Variants in NOS1AP observed in about 807,000 individuals in gnomAD.
NOS1AP encodes nitric oxide synthase 1 adaptor protein, also known as carboxyl-terminal PDZ ligand of neuronal nitric oxide synthase protein.
A neutral mutation model predicts 56.2 loss-of-function variants in NOS1AP; 21 were observed. That is an observed-to-expected ratio of 0.37 (90% CI 0.26 to 0.54). NOS1AP has a LOEUF of 0.54. Among genes scored for constraint, NOS1AP ranks in the 20% least tolerant of loss-of-function variants. The pLI is 0.84. For missense variants in NOS1AP, 522 were observed against 657.8 expected, an observed-to-expected ratio of 0.79 and a Z score of 2.26; for synonymous variants, 270 against 274.6, an observed-to-expected ratio of 0.98 and a Z score of 0.17.
At chr1:162,161,591 G>A (rs1327862892) in intron 2 of NOS1AP, among the ~76,000 whole-genome samples, 1 of 147,240 alleles carries the variant, frequency 6.8e-6, no homozygotes, top group East Asian at 2.2e-4. Context: ...ATAGTTCTTT[G>A]CCTCCTTTTT....
chr1:162,336,733 A>G (rs1656951721), intron 5 of NOS1AP, among the ~76,000 whole-genome samples: 1 of 152,230 alleles, frequency 6.6e-6, no homozygotes. Flanking sequence ...CATAAGAAAG[A>G]TACGTGAGCC....
chr1:162,146,141 C>A (rs933988773), intron 1 of NOS1AP, among the ~76,000 whole-genome samples: 1 of 152,156 alleles, frequency 6.6e-6, no homozygotes, highest in African/African-American at 2.4e-5. Flanking sequence ...TTCTGGGGGC[C>A]CTGTCCTTTC....
At chr1:162,319,590 T>C (rs1237890744) in intron 4 of NOS1AP, among the ~76,000 whole-genome samples, 1 of 152,078 alleles carries the variant, frequency 6.6e-6, no homozygotes, top group Non-Finnish European at 1.5e-5. Context: ...CAGTTTCCAT[T>C]GCAAGGGCTC....
At position 162,289,227 on chromosome 1, in the gene NOS1AP, T is replaced by TC. The variant is rs1232014746; in HGVS notation, c.270+1793dup. On this transcript the variant is annotated intron_variant, in intron 3 of 9. Coordinates refer to ENST00000361897, the MANE Select transcript of NOS1AP (RefSeq NM_014697.3). ...TCCTTCCTTTCCTTCCTTCCTTCCT[T>TC]CCTTCCTTCCTTCCTTCCTTCCTTC... Among the ~76,000 whole-genome samples, 17 of 45,612 alleles carry TC rather than the reference T, an allele frequency of 3.7e-4. No homozygotes were observed. The East Asian group carries it at 5.5e-3, about 15-fold the overall frequency. 29.9% of individuals were successfully genotyped at this position (45,612 alleles called of 152,430 possible). A position where few individuals can be genotyped will look rare whatever the true frequency, so the allele number is the denominator to read the frequency against.
At chr1:162,344,054 C>T (rs1657196423) in intron 6 of NOS1AP, 78 bp downstream of exon 6, 1 of 1,503,002 alleles carries the variant, frequency 6.7e-7, no homozygotes, top group African/African-American at 1.4e-5. Flanking sequence ...TGCCCTGACC[C>T]CCAGGCTGTG....
At chr1:162,292,274 G>C (rs1227222630) in intron 3 of NOS1AP, among the ~76,000 whole-genome samples, 2 of 152,154 alleles carry the variant, frequency 1.3e-5, no homozygotes, top group Non-Finnish European at 1.5e-5. Flanking sequence ...TTAGCTTTAG[G>C]GGGCAGGGAC....
At chr1:162,326,966 G>T (rs1364987548) in intron 4 of NOS1AP, among the ~76,000 whole-genome samples, 2 of 152,180 alleles carry the variant, frequency 1.3e-5, no homozygotes, top group African/African-American at 4.8e-5. Context: ...TCATGTGACT[G>T]CCCAGATTTT....
chr1:162,170,249 A>G (rs1650700466), intron 2 of NOS1AP, among the ~76,000 whole-genome samples: 1 of 152,220 alleles, frequency 6.6e-6, no homozygotes, highest in African/African-American at 2.4e-5. Flanking sequence ...TGCTCACTAC[A>G]TGCCAGTTCT....
intron 2 of NOS1AP, among the ~76,000 whole-genome samples, chr1:162,185,233 C>T (rs1651391989): frequency 6.6e-6 from 1 of 152,182 alleles, no homozygotes; most frequent in South Asian, 2.1e-4. Flanking sequence ...ATCTGCAGGG[C>T]CTTAATTTAA....
intron 5 of NOS1AP, 23 bp from the exon 6 acceptor site, chr1:162,343,812 T>C (rs1657185318): frequency 1.2e-6 from 2 of 1,613,966 alleles, no homozygotes; most frequent in Non-Finnish European, 1.7e-6. Flanking sequence ...ACCCATCCTG[T>C]TCTTCTCCTT....
intron 1 of NOS1AP, among the ~76,000 whole-genome samples, chr1:162,142,746 AT>A (rs1649290294): frequency 1.3e-5 from 2 of 152,214 alleles, no homozygotes; most frequent in South Asian, 4.1e-4. Context: ...TGTAGTATTA[AT>A]AGTAGTCTGG....
chr1:162,260,608 G>A (rs1385783623), intron 2 of NOS1AP, among the ~76,000 whole-genome samples: 2 of 152,248 alleles, frequency 1.3e-5, no homozygotes, highest in East Asian at 1.9e-4. Context: ...GACATATTTA[G>A]CAGTGTACCT....
intron 6 of NOS1AP, among the ~76,000 whole-genome samples, chr1:162,348,665 C>CAG (rs1472866774): frequency 1.3e-5 from 2 of 152,308 alleles, no homozygotes; most frequent in African/African-American, 4.8e-5. Context: ...AGATGTCCAA[C>CAG]AGAGCACTGA....
At chr1:162,212,719 A>G (rs1212790433) in intron 2 of NOS1AP, among the ~76,000 whole-genome samples, 1 of 152,084 alleles carries the variant, frequency 6.6e-6, no homozygotes, top group African/African-American at 2.4e-5. Context: ...CAGGCCTAGA[A>G]AGTATCAGTG....
At chr1:162,087,429 A>G (rs1250327113) in intron 1 of NOS1AP, among the ~76,000 whole-genome samples, 1 of 152,088 alleles carries the variant, frequency 6.6e-6, no homozygotes, top group Non-Finnish European at 1.5e-5. Flanking sequence ...TCTACTCTTT[A>G]TTCAGCATGG....
chr1:162,327,713 C>T (rs1270406524), intron 4 of NOS1AP, among the ~76,000 whole-genome samples: 2 of 152,162 alleles, frequency 1.3e-5, no homozygotes, highest in Non-Finnish European at 2.9e-5. Context: ...AAAACATGAT[C>T]AGAGATGCTT....
At chr1:162,258,285 G>A (rs938835904) in intron 2 of NOS1AP, among the ~76,000 whole-genome samples, 3 of 152,186 alleles carry the variant, frequency 2.0e-5, no homozygotes, top group African/African-American at 7.2e-5. Context: ...CATGAGAGCA[G>A]GAAGCATGTC....
At chr1:162,071,667 C>G (rs1691661724) in intron 1 of NOS1AP, among the ~76,000 whole-genome samples, 1 of 152,176 alleles carries the variant, frequency 6.6e-6, no homozygotes, top group African/African-American at 2.4e-5. Flanking sequence ...TCTTAGTTCT[C>G]TCATCTCTCA....
At chr1:162,201,786 T>G (rs921746288) in intron 2 of NOS1AP, among the ~76,000 whole-genome samples, 1 of 152,264 alleles carries the variant, frequency 6.6e-6, no homozygotes, top group Non-Finnish European at 1.5e-5. Context: ...TGCCCACTTT[T>G]TAATTGGGCT....
Sources: gnomAD v4.1 joint callset for allele counts (sites outside exome capture counted in the v4.1 genomes callset) on GRCh38, gnomAD v4.1.1 for gene constraint, MANE v1.5 for transcripts, NCBI Gene and HGNC (gene_info 2026-07-23, HGNC 2026-07-21) for gene names.